The following ZBTB20 variants were observed in gnomAD, a reference collection of about 807,000 sequenced individuals.
ZBTB20 encodes the protein zinc finger and BTB domain containing 20.
A neutral mutation model predicts 56.9 loss-of-function variants in ZBTB20; 9 were observed. The ratio of observed to expected loss-of-function variants is 0.16; its 90% CI spans 0.10 to 0.28. ZBTB20 has a LOEUF of 0.28. ZBTB20 is among the 10% of genes least tolerant of loss of function. The pLI is 1.00. For synonymous variants in ZBTB20, 417 were observed against 420.7 expected (o/e 0.99, Z 0.11); for missense variants, 655 against 1,003.0 (o/e 0.65, Z 4.69).
At chr3:114,401,464 T>C (rs1418198128) in intron 7 of ZBTB20, among the ~76,000 whole-genome samples, 2 of 152,156 alleles carry the variant, frequency 1.3e-5, no homozygotes, top group Non-Finnish European at 2.9e-5. Flanking sequence ...GGATTTTTTT[T>C]GTCCTCTTTT....
chr3:114,941,469 T>C (rs2076721454), intron 3 of ZBTB20, among the ~76,000 whole-genome samples: 2 of 146,020 alleles, frequency 1.4e-5, no homozygotes, highest in South Asian at 2.1e-4. Flanking sequence ...TAAAACACAC[T>C]TAGGACCGTA....
chr3:114,896,574 G>A, intron 4 of ZBTB20, among the ~76,000 whole-genome samples: 1 of 152,040 alleles, frequency 6.6e-6, no homozygotes, highest in South Asian at 2.1e-4. Flanking sequence ...ACACTAAAAT[G>A]GTGGCTGCCA....
chr3:115,030,240 C>T (rs1217025790), intron 2 of ZBTB20, among the ~76,000 whole-genome samples: 6 of 150,918 alleles, frequency 4.0e-5, no homozygotes, highest in Non-Finnish European at 7.4e-5. Context: ...TCCTTCCTTC[C>T]CTGTCTATAC....
At chr3:114,459,037 G>A (rs1576871954) in intron 7 of ZBTB20, among the ~76,000 whole-genome samples, 1 of 152,164 alleles carries the variant, frequency 6.6e-6, no homozygotes, top group East Asian at 1.9e-4. Flanking sequence ...AGGGAGTGTG[G>A]AAAATAAGAG....
chr3:114,506,662 AC>A (rs1434538806), intron 6 of ZBTB20, among the ~76,000 whole-genome samples: 8 of 152,120 alleles, frequency 5.3e-5, no homozygotes, highest in Non-Finnish European at 1.0e-4. Flanking sequence ...ATGTACCAGG[AC>A]CTTTGACTTA....
At chr3:114,509,422 T>TGTG (rs199590803) in intron 6 of ZBTB20, among the ~76,000 whole-genome samples, 4,798 of 150,032 alleles carry the variant, frequency 0.032, 184 homozygotes, top group East Asian at 0.098. Flanking sequence ...TGTGTGTGTG[T>TGTG]GTGGTGGTGG....
chr3:115,122,157 T>C (rs1230633133), intron 1 of ZBTB20, among the ~76,000 whole-genome samples: 1 of 151,994 alleles, frequency 6.6e-6, no homozygotes, highest in African/African-American at 2.4e-5. Flanking sequence ...ATGTGGATAA[T>C]GTTATGCTGA....
At chr3:114,839,871 T>TC (rs2108994166) in intron 4 of ZBTB20, among the ~76,000 whole-genome samples, 1 of 152,190 alleles carries the variant, frequency 6.6e-6, no homozygotes, top group South Asian at 2.1e-4. Context: ...AAGGAATGAT[T>TC]CCCCCTCACT....
At chr3:115,132,848 TTGA>T (rs753737087) in intron 1 of ZBTB20, among the ~76,000 whole-genome samples, 28 of 152,210 alleles carry the variant, frequency 1.8e-4, no homozygotes, top group Non-Finnish European at 3.4e-4. Context: ...CTCCTTTAAT[TTGA>T]TGATGTAATA....
rs2043807647 is a variant in ZBTB20, at chr3:114,500,382, G to A, written c.-285C>T. On this transcript the variant is annotated 5_prime_UTR_variant, in exon 7 of 12. Coordinates refer to ENST00000675478, the MANE Select transcript of ZBTB20 (RefSeq NM_001348800.3). ...GAGAAGGGGCAGGTCACAGACTGAT[G>A]GTCAAAGATCTGAAAATCAAAGAAA... is the stretch of plus-strand genomic sequence containing the variant. The A allele has an allele frequency of 6.6e-6, 1 of 151,668 alleles. No homozygotes were observed. The highest frequency in any genetic ancestry group is 2.4e-5 in the African/African-American group (1 of 41,312). 9.4% of individuals were successfully genotyped at this position (151,668 alleles called of 1,614,324 possible).
In ZBTB20 at chr3:114,758,801, A is replaced by T. The variant is rs1467663528; in HGVS notation, c.-343+42300T>A. 2.0e-5 allele frequency: 3 copies of T among 152,194 alleles called. No homozygotes were observed. The East Asian group carries it at 5.8e-4, about 29-fold the overall frequency. 9.4% of individuals were successfully genotyped at this position (152,194 alleles called of 1,614,324 possible). A position where few individuals can be genotyped will look rare whatever the true frequency, so the allele number is the denominator to read the frequency against. On this transcript the variant is annotated intron_variant, in intron 5 of 11. Coordinates refer to ENST00000675478, the MANE Select transcript of ZBTB20 (RefSeq NM_001348800.3). ...GAGCTCCAATAAACAAGTTGATTTTAAAAACTCACCAGACTAACAGTTATG... is the reference window on the plus strand; with the variant it reads ...GAGCTCCAATAAACAAGTTGATTTTTAAAACTCACCAGACTAACAGTTATG...
At chr3:114,647,883 T>C (rs189722143) in intron 6 of ZBTB20, among the ~76,000 whole-genome samples, 12 of 152,118 alleles carry the variant, frequency 7.9e-5, no homozygotes, top group African/African-American at 2.9e-4. Context: ...AATCTTCCAA[T>C]TGAGAAAACA....
At chr3:114,723,370 T>C (rs1194372951) in intron 5 of ZBTB20, among the ~76,000 whole-genome samples, 7 of 152,242 alleles carry the variant, frequency 4.6e-5, no homozygotes. Flanking sequence ...TATGAATATT[T>C]GGATGGCCCA....
chr3:114,651,550 T>TAAAA (rs57059379), intron 6 of ZBTB20, among the ~76,000 whole-genome samples: 2 of 91,408 alleles, frequency 2.2e-5, no homozygotes, highest in East Asian at 3.2e-4. Context: ...GGTTGGATAG[T>TAAAA]AAAAAAAAAA....
chr3:115,087,297 C>T (rs1235061128), intron 1 of ZBTB20, among the ~76,000 whole-genome samples: 1 of 151,798 alleles, frequency 6.6e-6, no homozygotes, highest in Non-Finnish European at 1.5e-5. Context: ...TAGAACTCTG[C>T]CATGAGCTCA....
intron 7 of ZBTB20, among the ~76,000 whole-genome samples, chr3:114,480,436 C>T (rs1244541588): frequency 6.6e-6 from 1 of 152,158 alleles, no homozygotes; most frequent in African/African-American, 2.4e-5. Flanking sequence ...AAGGAGGTCA[C>T]ATGCATTTAA....
At chr3:114,654,190 C>G (rs2060275644) in intron 6 of ZBTB20, among the ~76,000 whole-genome samples, 1 of 151,742 alleles carries the variant, frequency 6.6e-6, no homozygotes, top group Admixed American at 6.6e-5. Flanking sequence ...AAGTGGAAAC[C>G]TACGCTATTG....
At chr3:114,373,497 C>T (rs370619820) in intron 10 of ZBTB20, among the ~76,000 whole-genome samples, 3 of 152,174 alleles carry the variant, frequency 2.0e-5, no homozygotes, top group Non-Finnish European at 1.5e-5. Context: ...TATGGTTTTG[C>T]TTCTTTCTAT....
At chr3:114,747,495 T>C (rs929855773) in intron 5 of ZBTB20, among the ~76,000 whole-genome samples, 4 of 152,024 alleles carry the variant, frequency 2.6e-5, no homozygotes, top group Non-Finnish European at 4.4e-5. Context: ...ACCCAGGAGA[T>C]GGAGGTTGCA....
Sources: allele counts gnomAD v4.1 joint callset (sites outside exome capture counted in the v4.1 genomes callset), GRCh38; gene constraint gnomAD v4.1.1; transcripts MANE v1.5; gene names NCBI Gene and HGNC (gene_info 2026-07-23, HGNC 2026-07-21).